GALNT13: variants seen among roughly 807,000 people sequenced by gnomAD.
GALNT13 encodes UDP-GalNAc:polypeptide N-acetylgalactosaminyltransferase 13.
GALNT13 carries 28 observed loss-of-function variants against 64.2 expected under a neutral mutation model. The observed-to-expected ratio is 0.44, with a 90% CI of 0.32 to 0.60. The LOEUF (loss-of-function observed/expected upper bound fraction) is 0.60. Ranked by LOEUF, GALNT13 falls within the 20% of genes least tolerant of loss-of-function variation. GALNT13 has a pLI of 0.05. For synonymous variants in GALNT13, 214 were observed against 224.6 expected (o/e 0.95, Z 0.42); for missense variants, 577 against 669.8 (o/e 0.86, Z 1.53).
chr2:154,406,733 AT>A (rs1419794002), intron 10 of GALNT13, among the ~76,000 whole-genome samples: 1 of 151,852 alleles, frequency 6.6e-6, no homozygotes, highest in Non-Finnish European at 1.5e-5. Flanking sequence ...TTACAAATCT[AT>A]TTATTTGTTG....
At chr2:153,465,138 A>G in the GALNT13 span, among the ~76,000 whole-genome samples, 2 of 152,172 alleles carry the variant, frequency 1.3e-5, no homozygotes, top group East Asian at 1.9e-4. Flanking sequence ...GTCTGTGTCT[A>G]CTAAGAATGC....
At chr2:153,813,374 A>G in the GALNT13 span, among the ~76,000 whole-genome samples, 2 of 152,236 alleles carry the variant, frequency 1.3e-5, no homozygotes, top group Non-Finnish European at 2.9e-5. Context: ...CTATGCTATC[A>G]AAACAGCTAC....
At chr2:153,767,207 G>A in the GALNT13 span, among the ~76,000 whole-genome samples, 1 of 151,986 alleles carries the variant, frequency 6.6e-6, no homozygotes, top group East Asian at 1.9e-4. Context: ...TGAGGTATTT[G>A]GTTTTCTGTT....
chr2:153,116,814 T>TTC, the GALNT13 span, among the ~76,000 whole-genome samples: 1 of 146,146 alleles, frequency 6.8e-6, no homozygotes, highest in Admixed American at 6.9e-5. Context: ...TTTTTTTTTT[T>TTC]TTTGAGATGG....
chr2:153,593,461 G>T, the GALNT13 span, among the ~76,000 whole-genome samples: 1 of 152,124 alleles, frequency 6.6e-6, no homozygotes, highest in East Asian at 1.9e-4. Flanking sequence ...GACACACCTA[G>T]CCCTGCCCCA....
intron 2 of GALNT13, among the ~76,000 whole-genome samples, chr2:153,940,398 C>A (rs1256589490): frequency 6.6e-6 from 1 of 151,736 alleles, no homozygotes; most frequent in African/African-American, 2.4e-5. Flanking sequence ...GTTGGGATTA[C>A]AGGAGTCCGC....
At chr2:153,242,433 A>G in the GALNT13 span, among the ~76,000 whole-genome samples, 2 of 152,208 alleles carry the variant, frequency 1.3e-5, no homozygotes, top group Admixed American at 1.3e-4. Context: ...TGCTTACTAT[A>G]TCTCTTTGAG....
chr2:154,319,216 T>C (rs1267877980), intron 9 of GALNT13, among the ~76,000 whole-genome samples: 1 of 152,180 alleles, frequency 6.6e-6, no homozygotes, highest in East Asian at 1.9e-4. Flanking sequence ...AAAATAAATG[T>C]ATGCGGACAT....
At chr2:153,410,516 T>G in the GALNT13 span, among the ~76,000 whole-genome samples, 1 of 152,182 alleles carries the variant, frequency 6.6e-6, no homozygotes, top group South Asian at 2.1e-4. Context: ...AATCACTCAT[T>G]TAATCATTTC....
the GALNT13 span, among the ~76,000 whole-genome samples, chr2:153,636,872 G>A: frequency 6.6e-6 from 1 of 152,114 alleles, no homozygotes; most frequent in Non-Finnish European, 1.5e-5. Flanking sequence ...AGTCTAGCCT[G>A]GAGAGGATAA....
the GALNT13 span, among the ~76,000 whole-genome samples, chr2:153,230,369 A>G: frequency 1.3e-5 from 2 of 152,236 alleles, no homozygotes; most frequent in Admixed American, 6.5e-5. Context: ...TTTCAGTACA[A>G]TAGTGCTGAA....
chr2:153,541,161 C>T, the GALNT13 span, among the ~76,000 whole-genome samples: 2 of 151,996 alleles, frequency 1.3e-5, no homozygotes, highest in African/African-American at 4.8e-5. Context: ...TGTTGTTCCC[C>T]CACCCTGTTA....
chr2:153,467,530 A>G, the GALNT13 span, among the ~76,000 whole-genome samples: 1 of 152,112 alleles, frequency 6.6e-6, no homozygotes, highest in Non-Finnish European at 1.5e-5. Context: ...TTACATCTTT[A>G]ATCTAGATTA....
chr2:154,418,236 G>A (rs2105416635), intron 11 of GALNT13, among the ~76,000 whole-genome samples: 1 of 152,236 alleles, frequency 6.6e-6, no homozygotes, highest in South Asian at 2.1e-4. Flanking sequence ...CTTCCTGGAG[G>A]ATGAAATTGT....
At chr2:153,884,787 G>GTGTGTATATATATA (rs1687029573) in intron 1 of GALNT13, among the ~76,000 whole-genome samples, 1 of 58,818 alleles carries the variant, frequency 1.7e-5, no homozygotes, top group East Asian at 5.9e-4. Context: ...ATATATATAT[G>GTGTGTATATATATA]TGTGTGTATA....
chr2:154,028,218 A>G (rs1423517465), intron 3 of GALNT13, among the ~76,000 whole-genome samples: 2 of 152,176 alleles, frequency 1.3e-5, no homozygotes, highest in African/African-American at 4.8e-5. Flanking sequence ...TGAAGGCAAA[A>G]TCATAACCTG....
intron 11 of GALNT13, among the ~76,000 whole-genome samples, chr2:154,429,175 A>G (rs1207819476): frequency 1.3e-5 from 2 of 152,156 alleles, no homozygotes; most frequent in Non-Finnish European, 2.9e-5. Context: ...GGAAAGTCAC[A>G]TGTTTCTCAC....
intron 3 of GALNT13, among the ~76,000 whole-genome samples, chr2:153,953,222 G>A (rs567294873): frequency 2.5e-4 from 38 of 152,086 alleles, no homozygotes; most frequent in African/African-American, 9.2e-4. Flanking sequence ...TTAAACATAT[G>A]ACATATGCAT....
chr2:153,129,501 G>T, the GALNT13 span, among the ~76,000 whole-genome samples: 1 of 152,130 alleles, frequency 6.6e-6, no homozygotes, highest in African/African-American at 2.4e-5. Flanking sequence ...TAGGCTGGGC[G>T]CAGTGGCTTA....
Sources: gnomAD v4.1 joint callset for allele counts (sites outside exome capture counted in the v4.1 genomes callset) on GRCh38, gnomAD v4.1.1 for gene constraint, MANE v1.5 for transcripts, NCBI Gene and HGNC (gene_info 2026-07-23, HGNC 2026-07-21) for gene names.